Variants in CPA4 observed in about 807,000 individuals in gnomAD.
CPA4 encodes carboxypeptidase A3.
Under a neutral mutation model 54.7 loss-of-function variants are expected in CPA4, and 49 were observed. The ratio of observed to expected loss-of-function variants is 0.90; its 90% CI spans 0.71 to 1.14. The LOEUF is 1.14. CPA4 is among the 50% of genes most tolerant of loss of function. The probability of loss-of-function intolerance (pLI) is 0.00; values close to 1 mark genes in which losing one functional copy is unlikely to be tolerated. For synonymous variants in CPA4, 215 were observed against 206.8 expected (o/e 1.04, Z -0.34); for missense variants, 487 against 525.1 (o/e 0.93, Z 0.71).
intron 7 of CPA4, 113 bp from the exon 8 acceptor site, chr7:130,308,194 T>G (rs532116568): frequency 1.2e-6 from 1 of 858,290 alleles, no homozygotes; most frequent in African/African-American, 1.7e-5. Context: ...CCCAGGGCCC[T>G]CCTGGCAGAA....
chr7:130,306,992 A>T (rs1419019196), intron 7 of CPA4, 95 bp downstream of exon 7: 1 of 740,250 alleles, frequency 1.4e-6, no homozygotes, highest in Non-Finnish European at 2.5e-6. Context: ...ACAAATGTGC[A>T]CCTTATGAGC....
At chr7:130,298,914 C>A in intron 2 of CPA4, 87 bp downstream of exon 2, 1 of 809,756 alleles carries the variant, frequency 1.2e-6, no homozygotes, top group African/African-American at 1.7e-5. Context: ...ATTTTTATTT[C>A]TGAGGAGTCT....
At chr7:130,298,049 A>C (rs908275309) in intron 1 of CPA4, among the ~76,000 whole-genome samples, 1 of 151,982 alleles carries the variant, frequency 6.6e-6, no homozygotes, top group African/African-American at 2.4e-5. Context: ...CGTAGGGAGG[A>C]GTGGATCCTA....
rs57842029 is a variant in CPA4 at position 130,323,895 on chromosome 7, T to TTGTGTGTGTGTGTG, written c.*1247_*1260dup. ...GTATCCTGTGTTTCCTTGTCCTGGT[T>TTGTGTGTGTGTGTG]TGTGTGTGTGTGTGTGTGTGTGTGT... On this transcript the variant is annotated 3_prime_UTR_variant, in exon 11 of 11. Coordinates refer to ENST00000222482, the MANE Select transcript of CPA4 (RefSeq NM_016352.4). 2.8e-5 allele frequency: 4 copies of TTGTGTGTGTGTGTG among 145,132 alleles called. No homozygotes were observed. Among genetic ancestry groups the TTGTGTGTGTGTGTG allele is most frequent in the East Asian group, 2.1e-4 (1 of 4,874 alleles). 9.0% of individuals were successfully genotyped at this position (145,132 alleles called of 1,614,324 possible).
intron 9 of CPA4, among the ~76,000 whole-genome samples, chr7:130,311,438 T>C (rs1477231977): frequency 6.6e-6 from 1 of 151,964 alleles, no homozygotes; most frequent in East Asian, 1.9e-4. Flanking sequence ...TGCAGGTGGC[T>C]GCCCAGGCTC....
chr7:130,303,068 C>T (rs925211219), intron 4 of CPA4, among the ~76,000 whole-genome samples: 4 of 152,192 alleles, frequency 2.6e-5, no homozygotes, highest in African/African-American at 9.7e-5. Context: ...TGCTTCTGTT[C>T]GGTCTACCGT....
In CPA4 at chr7:130,322,962, C is replaced by A. The variant is rs1209254504; in HGVS notation, c.*286C>A. ...CTGGGCGGCTGCACTCAGCATCACC[C>A]CTTCCTGGGTGGCATGTCTCTCTCT... On this transcript the variant is annotated 3_prime_UTR_variant, in exon 11 of 11. Coordinates refer to ENST00000222482, the MANE Select transcript of CPA4 (RefSeq NM_016352.4). The A allele has an allele frequency of 3.0e-6, 1 of 328,756 alleles. No individual in the cohort carries two copies. Among genetic ancestry groups the A allele is most frequent in the Non-Finnish European group, 5.6e-6 (1 of 179,528 alleles). The allele number at this position is 328,756 out of a possible 1,614,324, so 20.4% of individuals were successfully genotyped here. A position where few individuals can be genotyped will look rare whatever the true frequency, so the allele number is the denominator to read the frequency against.
At chr7:130,308,740 A>C (rs1364140401) in intron 8 of CPA4, among the ~76,000 whole-genome samples, 1 of 132,748 alleles carries the variant, frequency 7.5e-6, no homozygotes, top group Admixed American at 7.1e-5. Flanking sequence ...TTCAGTAGAG[A>C]TGGGGTTTCA....
Position 130,300,915 on chromosome 7 carries a change from G to C in CPA4, c.384+1G>C, listed in dbSNP as rs147736225. On this transcript the variant is annotated splice_donor_variant, in intron 4 of 10. Coordinates refer to ENST00000222482, the MANE Select transcript of CPA4 (RefSeq NM_016352.4). LOFTEE classifies it high-confidence loss of function. ...CGGGGCTTACCATTCCCTGGAAGCT[G>C]TAAGTGTTTCAGAGTGGGTTAAGAT... is the stretch of plus-strand genomic sequence containing the variant. 159 of 1,602,142 alleles carry C rather than the reference G, an allele frequency of 9.9e-5. No homozygotes were observed. The African/African-American group carries it at 1.9e-3, about 19-fold the overall frequency.
In CPA4 at chr7:130,300,909, G is replaced by A. The variant is rs1414513448; in HGVS notation, c.379G>A (p.Glu127Lys). ...NFNYGAYHSL[E>K]AIYHEMDNIA... ...CAACTACGGGGCTTACCATTCCCTG[G>A]AAGCTGTAAGTGTTTCAGAGTGGGT... The change falls in exon 4 of 11, where the codon GAA becomes AAA. Residue 127 changes from glutamate (E) to lysine (K), a missense_variant. Coordinates refer to ENST00000222482, the MANE Select transcript of CPA4 (RefSeq NM_016352.4). The A allele has an allele frequency of 6.2e-7, 1 of 1,606,584 alleles. No homozygotes were observed. Among genetic ancestry groups the A allele is most frequent in the East Asian group, 2.2e-5 (1 of 44,852 alleles).
chr7:130,322,888 C>T lies in CPA4; in HGVS notation c.*212C>T. ...TCTGCCAGCCTGCTCAATTTTGGTC[C>T]TGCTGTTTTTGATGAGCCTTTTGTC... On this transcript the variant is annotated 3_prime_UTR_variant, in exon 11 of 11. Coordinates refer to ENST00000222482, the MANE Select transcript of CPA4 (RefSeq NM_016352.4). 1 of 483,170 alleles carries T rather than the reference C, an allele frequency of 2.1e-6. No homozygotes were observed. Among genetic ancestry groups the T allele is most frequent in the Non-Finnish European group, 3.6e-6 (1 of 277,050 alleles). 29.9% of individuals were successfully genotyped at this position (483,170 alleles called of 1,614,324 possible).
Position 130,297,420 on chromosome 7 carries a change from G to A in CPA4, c.69-1326G>A, listed in dbSNP as rs550106531. 1.8e-4 allele frequency among the ~76,000 whole-genome samples: 27 copies of A among 152,252 alleles called. No individual in the cohort carries two copies. In the South Asian group the frequency reaches 3.3e-3, roughly 19 times the overall value. On this transcript the variant is annotated intron_variant, in intron 1 of 10. Transcript: ENST00000222482. ...CCAGTGGTATCTCTTCAGGGCCCTC[G>A]GCAGTGCCCACAGGGTGCAGTTACC... is the stretch of plus-strand genomic sequence containing the variant.
chr7:130,319,687 G>C (rs1794056096), intron 10 of CPA4, among the ~76,000 whole-genome samples: 1 of 152,106 alleles, frequency 6.6e-6, no homozygotes, highest in Non-Finnish European at 1.5e-5. Flanking sequence ...AAGGTGAGGG[G>C]CGGAGCTGTA....
intron 4 of CPA4, among the ~76,000 whole-genome samples, chr7:130,303,001 G>A (rs1793762816): frequency 6.6e-6 from 1 of 152,168 alleles, no homozygotes; most frequent in Admixed American, 6.5e-5. Flanking sequence ...AAACTTGGCT[G>A]TGAATCATTT....
In CPA4 at chr7:130,310,511, T is replaced by A. The variant is rs976608334; in HGVS notation, c.794-276T>A. ...TCTACTTATTAATTACAACTCATTC[T>A]CAAGGGTGATATTAATTATTTATGA... is the stretch of plus-strand genomic sequence containing the variant. On this transcript the variant is annotated intron_variant, in intron 8 of 10. Transcript: ENST00000222482. This position sits in a 1 kb window ranked among gnomAD's most constrained non-coding sequence, Gnocchi z 4.3. Among the ~76,000 whole-genome samples, 13 of 152,236 alleles carry A rather than the reference T, an allele frequency of 8.5e-5. No homozygotes were observed. Among genetic ancestry groups the A allele is most frequent in the African/African-American group, 2.9e-4 (12 of 41,474 alleles).
rs369325885 is a variant in CPA4, at chr7:130,296,679, C to CTT, written c.69-2043_69-2042dup. ...AAGATCTTTCTAGCAGCTCCCCTCA[C>CTT]TTTTTTTTTTTTTTTTTTTTTTTTT... On this transcript the variant is annotated intron_variant, in intron 1 of 10. Coordinates refer to ENST00000222482, the MANE Select transcript of CPA4 (RefSeq NM_016352.4). Among the ~76,000 whole-genome samples, 251 of 72,980 alleles carry CTT rather than the reference C, an allele frequency of 3.4e-3. 14 individuals carry two copies. Among genetic ancestry groups the CTT allele is most frequent in the African/African-American group, 0.011 (208 of 18,806 alleles). The allele number at this position is 72,980 out of a possible 152,430, so 47.9% of individuals were successfully genotyped here.
At chr7:130,293,447 T>A in intron 1 of CPA4, 199 bp downstream of exon 1, 1 of 562,668 alleles carries the variant, frequency 1.8e-6, no homozygotes, top group Non-Finnish European at 3.2e-6. Context: ...GACTAGATGA[T>A]CATTGCAGTC....
At chr7:130,302,511 G>T (rs183207303) in intron 4 of CPA4, among the ~76,000 whole-genome samples, 14 of 150,354 alleles carry the variant, frequency 9.3e-5, no homozygotes, top group Non-Finnish European at 1.9e-4. Flanking sequence ...AAAAAAGAGC[G>T]CTCATATTGG....
At chr7:130,315,859 A>G (rs545592811) in intron 10 of CPA4, among the ~76,000 whole-genome samples, 2 of 152,314 alleles carry the variant, frequency 1.3e-5, no homozygotes, top group Non-Finnish European at 1.5e-5. Context: ...ATGGCTTTTA[A>G]CTGTTCCTTT....
Sources: allele counts gnomAD v4.1 joint callset (sites outside exome capture counted in the v4.1 genomes callset), GRCh38; gene constraint gnomAD v4.1.1; non-coding constraint Gnocchi (gnomAD v3.1); transcripts MANE v1.5; gene names NCBI Gene and HGNC (gene_info 2026-07-23, HGNC 2026-07-21).